Variants in GRM7 observed in about 807,000 individuals in gnomAD.
The protein encoded by GRM7 is metabotropic glutamate receptor 7.
GRM7 carries 35 observed loss-of-function variants against 84.5 expected under a neutral mutation model. The observed-to-expected ratio is 0.41, with a 90% CI of 0.32 to 0.55. GRM7 has a LOEUF of 0.55. Among genes scored for constraint, GRM7 ranks in the 20% least tolerant of loss-of-function variants. The probability of loss-of-function intolerance (pLI) is 0.19; values close to 1 mark genes in which losing one functional copy is unlikely to be tolerated. For missense variants in GRM7, 1,003 were observed against 1,194.6 expected (o/e 0.84, Z 2.36); for synonymous variants, 487 against 455.1 (o/e 1.07, Z -0.89).
At chr3:7,502,777 A>C (rs2124966865) in intron 7 of GRM7, among the ~76,000 whole-genome samples, 1 of 152,278 alleles carries the variant, frequency 6.6e-6, no homozygotes, top group East Asian at 1.9e-4. Context: ...ACTGTTTCCT[A>C]AGTGGATGAG....
chr3:7,398,584 ACT>A (rs1695314343), intron 4 of GRM7, among the ~76,000 whole-genome samples: 2 of 151,778 alleles, frequency 1.3e-5, no homozygotes, highest in South Asian at 2.1e-4. Context: ...AGAAAAGGTG[ACT>A]CTTAAATCTT....
intron 1 of GRM7, among the ~76,000 whole-genome samples, chr3:6,902,786 G>C (rs1696434725): frequency 6.6e-6 from 1 of 151,702 alleles, no homozygotes; most frequent in African/African-American, 2.4e-5. Flanking sequence ...GAGTCGTTAA[G>C]AGTGTAGTAA....
intron 4 of GRM7, among the ~76,000 whole-genome samples, chr3:7,395,736 C>T (rs1695185884): frequency 6.6e-6 from 1 of 152,146 alleles, no homozygotes; most frequent in African/African-American, 2.4e-5. Flanking sequence ...ATTATGAGGC[C>T]TCCCCAGTCA....
chr3:7,661,574 C>G (rs1411076838), intron 8 of GRM7, among the ~76,000 whole-genome samples: 2 of 151,912 alleles, frequency 1.3e-5, no homozygotes, highest in African/African-American at 4.8e-5. Context: ...GCAGGCAGAT[C>G]ACGAGGTCAG....
At chr3:7,098,331 G>C (rs142670212) in intron 1 of GRM7, among the ~76,000 whole-genome samples, 224 of 152,116 alleles carry the variant, frequency 1.5e-3, no homozygotes, top group African/African-American at 5.0e-3. Flanking sequence ...TAGGAATCCA[G>C]AAATATGGGT....
chr3:7,470,085 A>G (rs1698636196), intron 7 of GRM7, among the ~76,000 whole-genome samples: 1 of 152,142 alleles, frequency 6.6e-6, no homozygotes, highest in Admixed American at 6.6e-5. Context: ...TGCGCTCTCT[A>G]TGTTACAACA....
At chr3:6,994,162 A>T (rs1694747987) in intron 1 of GRM7, among the ~76,000 whole-genome samples, 1 of 152,226 alleles carries the variant, frequency 6.6e-6, no homozygotes, top group Non-Finnish European at 1.5e-5. Context: ...GAGGCCATCG[A>T]AAGAGGCATT....
chr3:7,685,246 C>T (rs1700533859), intron 9 of GRM7, among the ~76,000 whole-genome samples: 1 of 152,262 alleles, frequency 6.6e-6, no homozygotes, highest in East Asian at 1.9e-4. Context: ...CTGGTATCAA[C>T]CAGAAGATGT....
intron 2 of GRM7, among the ~76,000 whole-genome samples, chr3:7,205,313 T>A (rs952053069): frequency 5.9e-5 from 9 of 152,222 alleles, no homozygotes; most frequent in Non-Finnish European, 1.3e-4. Context: ...TCACGTTGTC[T>A]AGTGCAATTT....
chr3:7,129,308 C>T (rs911185631), intron 1 of GRM7, among the ~76,000 whole-genome samples: 6 of 152,152 alleles, frequency 3.9e-5, no homozygotes, highest in East Asian at 3.8e-4. Context: ...AATGATCAGC[C>T]GTTATCCGTT....
At chr3:7,182,123 T>A (rs1176850546) in intron 2 of GRM7, among the ~76,000 whole-genome samples, 1 of 152,184 alleles carries the variant, frequency 6.6e-6, no homozygotes, top group Admixed American at 6.5e-5. Context: ...TTTTCTCTAC[T>A]TATTTCATTG....
At chr3:7,354,935 G>A (rs1044832872) in intron 4 of GRM7, among the ~76,000 whole-genome samples, 1 of 152,278 alleles carries the variant, frequency 6.6e-6, no homozygotes, top group South Asian at 2.1e-4. Context: ...TCAGCTCTCT[G>A]TCATAGTCTA....
At chr3:7,073,710 A>G (rs909503574) in intron 1 of GRM7, among the ~76,000 whole-genome samples, 3 of 152,158 alleles carry the variant, frequency 2.0e-5, no homozygotes, top group African/African-American at 7.2e-5. Context: ...TTTAACAGGT[A>G]TTTATAGAGA....
chr3:7,573,258 T>TA (rs67244448), intron 7 of GRM7, among the ~76,000 whole-genome samples: 15 of 151,886 alleles, frequency 9.9e-5, no homozygotes, highest in African/African-American at 3.4e-4. Flanking sequence ...GGCATTTTAA[T>TA]AAAAAAAGTT....
rs112788452 is a variant in GRM7 at position 7,099,183 on chromosome 3, CAT to C, written c.520-47257_520-47256del. Among the ~76,000 whole-genome samples, 372 of 146,514 alleles carry C rather than the reference CAT, an allele frequency of 2.5e-3. 5 individuals carry two copies. Among genetic ancestry groups the C allele is most frequent in the African/African-American group, 8.7e-3 (343 of 39,468 alleles). On this transcript the variant is annotated intron_variant, in intron 1 of 9. Coordinates refer to ENST00000357716, the MANE Select transcript of GRM7 (RefSeq NM_000844.4). ...CCAAAGAAGTTCGCAGGTTTAATTG[CAT>C]ATATATATATACGTATTATTATATT...
At position 7,656,539 on chromosome 3, in the gene GRM7, A is replaced by ATACG. The variant is rs1479873895; in HGVS notation, c.2452-23510_2452-23509insTACG. 5.0e-4 allele frequency among the ~76,000 whole-genome samples: 34 copies of ATACG among 67,690 alleles called. No homozygotes were observed. In the East Asian group the frequency reaches 0.013, roughly 26 times the overall value. The allele number at this position is 67,690 out of a possible 152,430, so 44.4% of individuals were successfully genotyped here. A position where few individuals can be genotyped will look rare whatever the true frequency, so the allele number is the denominator to read the frequency against. On this transcript the variant is annotated intron_variant, in intron 8 of 9. Transcript: ENST00000357716. Reference sequence around the variant, plus strand: ...TAAAAAAAAATATATATATATATATACGCGCGCGCACACACACACACACAC... The same window carrying ATACG: ...TAAAAAAAAATATATATATATATATATACGCGCGCGCGCACACACACACACACAC...
chr3:7,366,563 G>A (rs1269413774), intron 4 of GRM7, among the ~76,000 whole-genome samples: 3 of 151,782 alleles, frequency 2.0e-5, no homozygotes, highest in African/African-American at 7.2e-5. Flanking sequence ...TACTTAATAT[G>A]GTTAGAAATT....
chr3:7,059,480 T>C (rs1697354226), intron 1 of GRM7, among the ~76,000 whole-genome samples: 2 of 151,828 alleles, frequency 1.3e-5, no homozygotes, highest in South Asian at 2.1e-4. Flanking sequence ...CATTAAAAGA[T>C]TCACTCATAT....
intron 1 of GRM7, among the ~76,000 whole-genome samples, chr3:6,992,072 A>C (rs1054184106): frequency 6.6e-5 from 10 of 152,222 alleles, no homozygotes; most frequent in Admixed American, 2.6e-4. Flanking sequence ...AGAAAGAAGA[A>C]AGGCAGAAGT....
Sources: allele counts gnomAD v4.1 joint callset (sites outside exome capture counted in the v4.1 genomes callset), GRCh38; gene constraint gnomAD v4.1.1; transcripts MANE v1.5; gene names NCBI Gene and HGNC (gene_info 2026-07-23, HGNC 2026-07-21).